Variants in LY96 observed in about 807,000 individuals in gnomAD.
LY96 encodes myeloid differentiation protein-2.
A neutral mutation model predicts 18.9 loss-of-function variants in LY96; 18 were observed. The ratio of observed to expected loss-of-function variants is 0.95; its 90% CI spans 0.66 to 1.41. The LOEUF (loss-of-function observed/expected upper bound fraction) is 1.41. Among genes scored for constraint, LY96 ranks in the 40% most tolerant of loss-of-function variants. LY96 has a pLI of 0.00. For synonymous variants in LY96, 66 were observed against 62.6 expected (o/e 1.06, Z -0.26); for missense variants, 175 against 182.4 (o/e 0.96, Z 0.23).
At chr8:74,002,008 T>G (rs1195814977) in intron 1 of LY96, among the ~76,000 whole-genome samples, 821 of 9,748 alleles carry the variant, frequency 0.084, 60 homozygotes, top group Middle Eastern at 0.14. Flanking sequence ...TCTTCCTTTC[T>G]TCCTTCCTTC....
the LY96 span, among the ~76,000 whole-genome samples, chr8:74,053,388 G>A: frequency 1.3e-5 from 2 of 152,142 alleles, no homozygotes; most frequent in Non-Finnish European, 1.5e-5. Context: ...ATTGAAGCAA[G>A]TCATTGCATT....
At chr8:74,046,656 G>A in the LY96 span, among the ~76,000 whole-genome samples, 1 of 151,962 alleles carries the variant, frequency 6.6e-6, no homozygotes, top group Non-Finnish European at 1.5e-5. Context: ...CTTGTTTTTT[G>A]GTGGCATATG....
At chr8:74,097,732 A>G in the LY96 span, among the ~76,000 whole-genome samples, 1 of 151,916 alleles carries the variant, frequency 6.6e-6, no homozygotes, top group Admixed American at 6.6e-5. Flanking sequence ...AAATAAGTAA[A>G]TAAATAAGTA....
At chr8:74,053,924 A>G in the LY96 span, among the ~76,000 whole-genome samples, 1 of 152,200 alleles carries the variant, frequency 6.6e-6, no homozygotes, top group Non-Finnish European at 1.5e-5. Flanking sequence ...GTCTTCCGCC[A>G]TTTTATAATG....
the LY96 span, among the ~76,000 whole-genome samples, chr8:74,084,238 T>C: frequency 6.6e-6 from 1 of 152,208 alleles, no homozygotes; most frequent in Non-Finnish European, 1.5e-5. Flanking sequence ...TGTGTACTTC[T>C]ATCTGGAGAC....
the LY96 span, among the ~76,000 whole-genome samples, chr8:74,060,053 A>G: frequency 6.6e-6 from 1 of 151,794 alleles, no homozygotes; most frequent in Non-Finnish European, 1.5e-5. Flanking sequence ...GTGAGAGCCC[A>G]GGGGGCTGAG....
chr8:74,080,871 G>A, the LY96 span, among the ~76,000 whole-genome samples: 1 of 152,154 alleles, frequency 6.6e-6, no homozygotes, highest in Admixed American at 6.5e-5. Context: ...CCTGCCTGGC[G>A]ATGGCTGACT....
chr8:74,033,919 AG>A (rs1817009250), downstream of LY96, among the ~76,000 whole-genome samples: 1 of 151,154 alleles, frequency 6.6e-6, no homozygotes, highest in Non-Finnish European at 1.5e-5. Flanking sequence ...TTTTTAAACC[AG>A]GGCTTTGACT....
the LY96 span, among the ~76,000 whole-genome samples, chr8:74,067,928 G>C: frequency 6.6e-6 from 1 of 151,478 alleles, no homozygotes; most frequent in African/African-American, 2.4e-5. Context: ...AGGCATGGTG[G>C]CACATGTCTG....
At chr8:74,084,772 CCCGGCTA>C in the LY96 span, among the ~76,000 whole-genome samples, 1 of 152,138 alleles carries the variant, frequency 6.6e-6, no homozygotes, top group African/African-American at 2.4e-5. Context: ...TGCCACCACG[CCCGGCTA>C]ATTTTTTGTA....
the LY96 span, among the ~76,000 whole-genome samples, chr8:74,094,487 C>A: frequency 6.6e-6 from 1 of 152,164 alleles, no homozygotes; most frequent in African/African-American, 2.4e-5. Flanking sequence ...GGACATTATT[C>A]ATGTTATTAA....
the LY96 span, among the ~76,000 whole-genome samples, chr8:74,087,963 A>G: frequency 1.4e-3 from 218 of 151,746 alleles, no homozygotes; most frequent in African/African-American, 5.0e-3. Flanking sequence ...AATCCTTCCT[A>G]TCCTTCAAGG....
chr8:74,079,214 C>G, the LY96 span, among the ~76,000 whole-genome samples: 11 of 152,174 alleles, frequency 7.2e-5, no homozygotes, highest in African/African-American at 2.7e-4. Flanking sequence ...CAACAGCACT[C>G]CTGGTTCTGA....
At chr8:74,036,367 C>G in the LY96 span, among the ~76,000 whole-genome samples, 1 of 152,168 alleles carries the variant, frequency 6.6e-6, no homozygotes, top group Non-Finnish European at 1.5e-5. Context: ...AGGTGTAGTT[C>G]TGTAATCCTG....
At chr8:74,097,209 G>A in the LY96 span, among the ~76,000 whole-genome samples, 4 of 152,266 alleles carry the variant, frequency 2.6e-5, no homozygotes, top group South Asian at 8.3e-4. Context: ...GGTTGCTTTT[G>A]AGAATCTGAG....
At chr8:74,028,330 TCTAA>T (rs1306232059) in intron 4 of LY96, among the ~76,000 whole-genome samples, 2 of 152,140 alleles carry the variant, frequency 1.3e-5, no homozygotes, top group African/African-American at 2.4e-5. Flanking sequence ...TTTTTTTCCC[TCTAA>T]CATACATGGG....
the LY96 span, among the ~76,000 whole-genome samples, chr8:74,036,536 G>A: frequency 3.9e-5 from 6 of 152,088 alleles, no homozygotes; most frequent in African/African-American, 1.4e-4. Context: ...AACTGGTCCT[G>A]TGTCCCCACC....
chr8:74,086,364 C>T, the LY96 span, among the ~76,000 whole-genome samples: 2 of 152,172 alleles, frequency 1.3e-5, no homozygotes, highest in Non-Finnish European at 2.9e-5. Flanking sequence ...GTGGGCACTC[C>T]GGAAGCCTTT....
chr8:74,087,204 CA>C, the LY96 span, among the ~76,000 whole-genome samples: 2 of 152,166 alleles, frequency 1.3e-5, no homozygotes, highest in African/African-American at 4.8e-5. Flanking sequence ...TAGGGCAGTA[CA>C]AAACATGGTC....
Sources: gnomAD v4.1 joint callset for allele counts (sites outside exome capture counted in the v4.1 genomes callset) on GRCh38, gnomAD v4.1.1 for gene constraint, MANE v1.5 for transcripts, NCBI Gene and HGNC (gene_info 2026-07-23, HGNC 2026-07-21) for gene names.